Variants in PFKP observed in about 807,000 individuals in gnomAD.
PFKP encodes the protein ATP-dependent 6-phosphofructokinase, platelet type.
Under a neutral mutation model 94.3 loss-of-function variants are expected in PFKP, and 101 were observed. The observed-to-expected ratio is 1.07, with a 90% CI of 0.91 to 1.26. The LOEUF is 1.26. Among genes scored for constraint, PFKP ranks in the 50% most tolerant of loss-of-function variants. PFKP has a pLI of 0.00. For synonymous variants in PFKP, 573 were observed against 432.6 expected (o/e 1.32, Z -4.03); for missense variants, 1,145 against 1,103.3 (o/e 1.04, Z -0.53).
chr10:3,118,232 G>C (rs1287947019), intron 14 of PFKP, among the ~76,000 whole-genome samples: 8 of 152,198 alleles, frequency 5.3e-5, no homozygotes, highest in Admixed American at 4.6e-4. Flanking sequence ...ACTCTGGGAG[G>C]CTGAGGCAGG....
intron 17 of PFKP, among the ~76,000 whole-genome samples, chr10:3,131,373 C>T (rs1040534806): frequency 2.6e-5 from 4 of 152,116 alleles, no homozygotes; most frequent in African/African-American, 4.8e-5. Flanking sequence ...GACTCATGAC[C>T]GTATTTCAGA....
intron 1 of PFKP, among the ~76,000 whole-genome samples, chr10:3,074,512 G>A (rs59306320): frequency 0.14 from 21,796 of 152,166 alleles, 1,927 homozygotes; most frequent in East Asian, 0.31. Flanking sequence ...GAGGCCACAA[G>A]TTTAGGGTAT....
intron 1 of PFKP, among the ~76,000 whole-genome samples, chr10:3,071,374 T>C (rs770965960): frequency 1.3e-5 from 2 of 150,494 alleles, no homozygotes; most frequent in Non-Finnish European, 3.0e-5. Context: ...GCTGTTTTTG[T>C]TTGTTTGTTT....
intron 2 of PFKP, among the ~76,000 whole-genome samples, chr10:3,083,129 T>A (rs1220443167): frequency 6.6e-6 from 1 of 152,370 alleles, no homozygotes; most frequent in East Asian, 1.9e-4. Flanking sequence ...CTCTTACTGC[T>A]GTAGAAGTGA....
rs560553155 is a variant in PFKP, at chr10:3,101,621, G to T, written c.454+67G>T. On this transcript the variant is annotated intron_variant, in intron 4 of 21. Transcript: ENST00000381125. ...TGTTTCAGAGCTTTGGAACCGACAG[G>T]TTTCCCTCTTCACTGTGGCAGAAGT... 5.5e-5 allele frequency: 65 copies of T among 1,182,470 alleles called. 1 individual carries two copies. The South Asian group carries it at 6.6e-4, about 12-fold the overall frequency. The allele number at this position is 1,182,470 out of a possible 1,614,324, so 73.2% of individuals were successfully genotyped here.
rs890153765 is a variant in PFKP at position 3,107,786 on chromosome 10, C to G, written c.870+477C>G. ...GTGTCCTCGTGGCCCTGCCTGGGAA[C>G]AGGCTTTGGCAGGCTTTGGCAGGCT... On this transcript the variant is annotated intron_variant, in intron 8 of 21. Coordinates refer to ENST00000381125, the MANE Select transcript of PFKP (RefSeq NM_002627.5). 1.0e-5 allele frequency: 12 copies of G among 1,192,634 alleles called. No homozygotes were observed. The African/African-American group carries it at 1.9e-4, about 19-fold the overall frequency. 73.9% of individuals were successfully genotyped at this position (1,192,634 alleles called of 1,614,324 possible).
chr10:3,082,915 G>T (rs1833200660), intron 2 of PFKP, among the ~76,000 whole-genome samples: 1 of 152,102 alleles, frequency 6.6e-6, no homozygotes, highest in African/African-American at 2.4e-5. Context: ...GTCTCACCAT[G>T]TTGGCCAGGC....
chr10:3,125,310 TCTG>T, intron 16 of PFKP: 1 of 1,138,462 alleles, frequency 8.8e-7, no homozygotes, highest in Non-Finnish European at 1.1e-6. Context: ...ACTTGTTTCT[TCTG>T]TGCTAAGGAT....
intron 2 of PFKP, among the ~76,000 whole-genome samples, chr10:3,096,658 C>T (rs1033767926): frequency 1.3e-5 from 2 of 151,448 alleles, no homozygotes; most frequent in African/African-American, 2.4e-5. Flanking sequence ...TCCTTGCCCC[C>T]CCGAGCTTCA....
chr10:3,101,311 C>T, intron 3 of PFKP, 54 bp from the exon 4 acceptor site: 1 of 1,427,478 alleles, frequency 7.0e-7, no homozygotes, highest in Non-Finnish European at 9.5e-7. Flanking sequence ...GTGTGCCATC[C>T]ACCTGGCGCT....
At chr10:3,119,780 C>CGGAG in intron 15 of PFKP, 112 bp from the exon 16 acceptor site, 1 of 558,084 alleles carries the variant, frequency 1.8e-6, no homozygotes, top group Non-Finnish European at 2.7e-6. Flanking sequence ...TCGTGATGCC[C>CGGAG]CAGTGTGCTC....
chr10:3,136,280 A>G (rs1426260136), intron 21 of PFKP, among the ~76,000 whole-genome samples, 170 bp from the exon 22 acceptor site: 4 of 152,158 alleles, frequency 2.6e-5, no homozygotes, highest in Non-Finnish European at 5.9e-5. Flanking sequence ...TTCGGGAATA[A>G]TTTTAAACAA....
intron 8 of PFKP, chr10:3,108,017 C>CA: frequency 7.8e-7 from 1 of 1,289,292 alleles, no homozygotes; most frequent in South Asian, 1.2e-5. Flanking sequence ...AGTTAAGGAG[C>CA]AAAGCATATC....
intron 17 of PFKP, among the ~76,000 whole-genome samples, chr10:3,131,294 T>C (rs1838557200): frequency 6.6e-6 from 1 of 152,030 alleles, no homozygotes; most frequent in Admixed American, 6.6e-5. Context: ...GAGTTCACTG[T>C]AGGATGTTTG....
At chr10:3,108,840 G>T (rs1232921896) in intron 9 of PFKP, 47 bp downstream of exon 9, 4 of 1,377,274 alleles carry the variant, frequency 2.9e-6, no homozygotes, top group Non-Finnish European at 4.1e-6. Context: ...CTAGGAGGAA[G>T]CGTTTCTGGA....
At chr10:3,083,925 G>A (rs1184862511) in intron 2 of PFKP, among the ~76,000 whole-genome samples, 8 of 152,202 alleles carry the variant, frequency 5.3e-5, no homozygotes, top group African/African-American at 1.9e-4. Flanking sequence ...TTACAGGTGT[G>A]AGCCGCCGCG....
chr10:3,105,154 C>CTG lies in PFKP; in HGVS notation c.663_664dup (p.Gly222ValfsTer7). 1 of 1,613,934 alleles carries CTG rather than the reference C, an allele frequency of 6.2e-7. No homozygotes were observed. Among genetic ancestry groups the CTG allele is most frequent in the Non-Finnish European group, 8.5e-7 (1 of 1,179,890 alleles). Reference sequence around the variant, plus strand: ...TCGTTCTGGAGGTGATGGGACGACACTGTGGGTACGTACCTGCGGTGGGTC... The same window carrying CTG: ...TCGTTCTGGAGGTGATGGGACGACACTGTGTGGGTACGTACCTGCGGTGGGTC... On this transcript the variant is annotated frameshift_variant, in exon 6 of 22. Coordinates refer to ENST00000381125, the MANE Select transcript of PFKP (RefSeq NM_002627.5). LOFTEE classifies it high-confidence loss of function.
At chr10:3,105,690 G>A (rs968043541) in intron 7 of PFKP, among the ~76,000 whole-genome samples, 189 bp downstream of exon 7, 7 of 152,160 alleles carry the variant, frequency 4.6e-5, no homozygotes, top group Non-Finnish European at 8.8e-5. Flanking sequence ...GAGACTCAAG[G>A]CAGAAGAGGT....
chr10:3,080,410 A>C (rs911556637), intron 1 of PFKP, among the ~76,000 whole-genome samples: 2 of 150,220 alleles, frequency 1.3e-5, no homozygotes, highest in Non-Finnish European at 3.0e-5. Context: ...CCAGCTGCTC[A>C]GGAGGCTGAG....
Sources: gnomAD v4.1 joint callset for allele counts (sites outside exome capture counted in the v4.1 genomes callset) on GRCh38, gnomAD v4.1.1 for gene constraint, MANE v1.5 for transcripts, NCBI Gene and HGNC (gene_info 2026-07-23, HGNC 2026-07-21) for gene names.